The following SRD5A2 variants were observed in gnomAD, a reference collection of about 807,000 sequenced individuals.
SRD5A2 encodes the protein steroid 5 alpha-reductase 2.
In SRD5A2, 30 loss-of-function variants were observed where a neutral mutation model predicts 27.4. The observed-to-expected ratio is 1.10, with a 90% CI of 0.82 to 1.49. The LOEUF (loss-of-function observed/expected upper bound fraction) is 1.49. Among genes scored for constraint, SRD5A2 ranks in the 40% most tolerant of loss-of-function variants. The probability of loss-of-function intolerance (pLI) is 0.00; values close to 1 mark genes in which losing one functional copy is unlikely to be tolerated. For synonymous variants in SRD5A2, 141 were observed against 133.6 expected, an observed-to-expected ratio of 1.06 and a Z score of -0.38; for missense variants, 348 against 323.4, an observed-to-expected ratio of 1.08 and a Z score of -0.58.
chr2:31,661,301 C>A, the SRD5A2 span, among the ~76,000 whole-genome samples: 1 of 152,134 alleles, frequency 6.6e-6, no homozygotes, highest in Non-Finnish European at 1.5e-5. Context: ...TATATCAAGG[C>A]AGAGAGTCAC....
At chr2:31,553,955 T>C (rs1666437262) in intron 1 of SRD5A2, among the ~76,000 whole-genome samples, 1 of 152,142 alleles carries the variant, frequency 6.6e-6, no homozygotes, top group Admixed American at 6.6e-5. Flanking sequence ...ATAAGAGAAC[T>C]GAAAAGACTT....
At chr2:31,603,134 A>G in the SRD5A2 span, among the ~76,000 whole-genome samples, 1 of 152,172 alleles carries the variant, frequency 6.6e-6, no homozygotes, top group African/African-American at 2.4e-5. Flanking sequence ...CAGACAACCT[A>G]GAGAATGGGA....
At chr2:31,544,953 A>G (rs376237254) in intron 1 of SRD5A2, among the ~76,000 whole-genome samples, 1 of 151,914 alleles carries the variant, frequency 6.6e-6, no homozygotes, top group African/African-American at 2.4e-5. Flanking sequence ...AACCTACATG[A>G]AAAAGTTCAG....
the SRD5A2 span, among the ~76,000 whole-genome samples, chr2:31,602,985 C>G: frequency 6.6e-6 from 1 of 151,824 alleles, no homozygotes; most frequent in Non-Finnish European, 1.5e-5. Context: ...CTAGGAAATA[C>G]CATTCAGGAC....
upstream of SRD5A2, chr2:31,581,050 G>C (rs979996402): frequency 4.0e-5 from 29 of 722,374 alleles, no homozygotes; most frequent in African/African-American, 1.7e-3. Context: ...GCCGCGTCCA[G>C]CCCTGGCGCG....
At chr2:31,556,118 G>A (rs1666489040) in intron 1 of SRD5A2, among the ~76,000 whole-genome samples, 1 of 152,184 alleles carries the variant, frequency 6.6e-6, no homozygotes, top group South Asian at 2.1e-4. Context: ...CTGAGCACTT[G>A]CTCCACTTCT....
chr2:31,545,027 T>G (rs1666215453), intron 1 of SRD5A2, among the ~76,000 whole-genome samples: 1 of 151,588 alleles, frequency 6.6e-6, no homozygotes, highest in South Asian at 2.1e-4. Flanking sequence ...TGAAAAGACT[T>G]ATAACTAGTA....
intron 1 of SRD5A2, among the ~76,000 whole-genome samples, chr2:31,575,889 C>G (rs552911445): frequency 2.2e-4 from 33 of 152,340 alleles, no homozygotes; most frequent in African/African-American, 7.5e-4. Context: ...AGTGATGTGA[C>G]TGACCACTGT....
the SRD5A2 span, among the ~76,000 whole-genome samples, chr2:31,626,144 A>G: frequency 6.6e-6 from 1 of 152,194 alleles, no homozygotes; most frequent in East Asian, 1.9e-4. Context: ...GAGTTCACTC[A>G]TGATTTGGCT....
the SRD5A2 span, among the ~76,000 whole-genome samples, chr2:31,598,407 C>T: frequency 6.6e-6 from 1 of 151,712 alleles, no homozygotes; most frequent in African/African-American, 2.4e-5. Flanking sequence ...AGAACTTATC[C>T]ATGTAATGAA....
At chr2:31,627,354 C>A in the SRD5A2 span, among the ~76,000 whole-genome samples, 1 of 151,712 alleles carries the variant, frequency 6.6e-6, no homozygotes, top group Non-Finnish European at 1.5e-5. Context: ...ATCTTCTTTT[C>A]TTTATTATTC....
At chr2:31,644,542 C>T in the SRD5A2 span, among the ~76,000 whole-genome samples, 1 of 152,112 alleles carries the variant, frequency 6.6e-6, no homozygotes, top group Non-Finnish European at 1.5e-5. Context: ...GGTTCTTGCT[C>T]CTGTGAGAAT....
chr2:31,544,237 G>T (rs1572637835), intron 1 of SRD5A2, among the ~76,000 whole-genome samples: 1 of 151,918 alleles, frequency 6.6e-6, no homozygotes, highest in Admixed American at 6.5e-5. Context: ...TGCAATAATA[G>T]TTAAAGAATT....
At chr2:31,612,103 C>T in the SRD5A2 span, among the ~76,000 whole-genome samples, 1 of 151,878 alleles carries the variant, frequency 6.6e-6, no homozygotes, top group South Asian at 2.1e-4. Context: ...TATGGTGAAA[C>T]TCTGACTCTA....
At chr2:31,584,387 G>A (rs1667143006), upstream of SRD5A2, among the ~76,000 whole-genome samples, 1 of 152,202 alleles carries the variant, frequency 6.6e-6, no homozygotes, top group African/African-American at 2.4e-5. Context: ...AGACAAGTAA[G>A]AATATAGCCT....
the SRD5A2 span, among the ~76,000 whole-genome samples, chr2:31,612,649 A>C: frequency 6.6e-6 from 1 of 152,202 alleles, no homozygotes; most frequent in South Asian, 2.1e-4. Context: ...CATTTTTCAC[A>C]GAAATGGAAA....
chr2:31,596,081 A>T, the SRD5A2 span, among the ~76,000 whole-genome samples: 1 of 152,096 alleles, frequency 6.6e-6, no homozygotes, highest in African/African-American at 2.4e-5. Context: ...ATACATGAAA[A>T]CCCAGAGCCA....
chr2:31,569,502 G>C (rs1348859654), intron 1 of SRD5A2, among the ~76,000 whole-genome samples: 1 of 151,972 alleles, frequency 6.6e-6, no homozygotes, highest in Non-Finnish European at 1.5e-5. Flanking sequence ...CACTAATAAT[G>C]AGCATCCTTT....
intron 1 of SRD5A2, among the ~76,000 whole-genome samples, chr2:31,535,091 G>A (rs937580770): frequency 1.3e-5 from 2 of 150,616 alleles, no homozygotes; most frequent in Admixed American, 6.6e-5. Context: ...GCACGATCTC[G>A]GCTCACTGCA....
Sources: gnomAD v4.1 joint callset for allele counts (sites outside exome capture counted in the v4.1 genomes callset) on GRCh38, gnomAD v4.1.1 for gene constraint, MANE v1.5 for transcripts, NCBI Gene and HGNC (gene_info 2026-07-23, HGNC 2026-07-21) for gene names.